ATAD5: variants seen among roughly 807,000 people sequenced by gnomAD.
The protein encoded by ATAD5 is ATPase family AAA domain containing 5.
ATAD5 carries 58 observed loss-of-function variants against 176.9 expected under a neutral mutation model. The ratio of observed to expected loss-of-function variants is 0.33; its 90% confidence interval spans 0.27 to 0.41. The LOEUF (loss-of-function observed/expected upper bound fraction) is 0.41. ATAD5 is among the 10% of genes least tolerant of loss of function. ATAD5 has a pLI of 1.00. For missense variants in ATAD5, 1,789 were observed against 2,094.1 expected, an observed-to-expected ratio of 0.85 and a Z score of 2.84; for synonymous variants, 640 against 712.6, an observed-to-expected ratio of 0.90 and a Z score of 1.62.
intron 20 of ATAD5, 47 bp downstream of exon 20, chr17:30,892,835 A>G: frequency 2.8e-6 from 4 of 1,406,064 alleles, no homozygotes; most frequent in Non-Finnish European, 3.9e-6. Flanking sequence ...ATTCCTTTTC[A>G]TATTCCCAAC....
At chr17:30,847,008 C>T (rs532016627) in intron 6 of ATAD5, among the ~76,000 whole-genome samples, 2 of 152,092 alleles carry the variant, frequency 1.3e-5, no homozygotes, top group East Asian at 1.9e-4. Flanking sequence ...TATGAGCCAC[C>T]GTGCCTGGCC....
chr17:30,881,837 A>T (rs747092906), intron 18 of ATAD5, among the ~76,000 whole-genome samples: 1 of 152,002 alleles, frequency 6.6e-6, no homozygotes, highest in Non-Finnish European at 1.5e-5. Context: ...TCACTTGAGT[A>T]TGGGAGGCAG....
chr17:30,873,689 CT>C (rs775055653), intron 14 of ATAD5, among the ~76,000 whole-genome samples: 4,089 of 129,504 alleles, frequency 0.032, 109 homozygotes, highest in African/African-American at 0.1. Context: ...TAAAAATTGC[CT>C]TTTTTTTTTT....
At chr17:30,878,142 G>T (rs1908780671) in intron 17 of ATAD5, 46 bp downstream of exon 17, 1 of 1,273,682 alleles carries the variant, frequency 7.9e-7, no homozygotes, top group Non-Finnish European at 1.1e-6. Flanking sequence ...ACTCAAATCT[G>T]TAGTTCATCT....
At chr17:30,863,330 G>A (rs1043109908) in intron 10 of ATAD5, among the ~76,000 whole-genome samples, 8 of 151,898 alleles carry the variant, frequency 5.3e-5, no homozygotes, top group Non-Finnish European at 1.0e-4. Flanking sequence ...TGAGTAGCTG[G>A]GATTACAGGA....
intron 16 of ATAD5, 73 bp downstream of exon 16, chr17:30,877,622 T>C (rs1193058477): frequency 6.9e-7 from 1 of 1,456,496 alleles, no homozygotes; most frequent in East Asian, 2.3e-5. Flanking sequence ...GTATGTTTTC[T>C]TATAAAGAAT....
At chr17:30,879,286 A>G in intron 17 of ATAD5, 137 bp from the exon 18 acceptor site, 3 of 898,332 alleles carry the variant, frequency 3.3e-6, no homozygotes, top group Middle Eastern at 3.4e-4. Context: ...GCAGTGAGCT[A>G]TGACTGCACC....
Position 30,893,514 on chromosome 17 carries a change from G to A in ATAD5, c.4661G>A (p.Arg1554Lys), listed in dbSNP as rs1909744823. 4.3e-6 allele frequency: 7 copies of A among 1,612,364 alleles called. No individual in the cohort carries two copies. Among genetic ancestry groups the A allele is most frequent in the Non-Finnish European group, 5.9e-6 (7 of 1,179,514 alleles). The change falls in exon 21 of 23, where the codon AGA becomes AAA. Residue 1554 changes from arginine (R) to lysine (K), a missense_variant. Around this residue, in one of 6 missense-constraint regions of ATAD5, gnomAD observed 403 missense variants for 495.1 expected, o/e 0.81. Transcript: ENST00000321990. ...TGTCTTGCTAGGAAACACTCTGAAAGAGAACAGCCATTGAAAAAGTCCCAG... is the reference window on the plus strand; with the variant it reads ...TGTCTTGCTAGGAAACACTCTGAAAAAGAACAGCCATTGAAAAAGTCCCAG... Reference protein sequence around the residue: ...MNCLARKHSEREQPLKKSQKK... With the variant: ...MNCLARKHSEKEQPLKKSQKK...
rs368160157 is a variant in ATAD5, at chr17:30,855,273, A to G, written c.2581A>G (p.Asn861Asp). 1.2e-6 allele frequency: 2 copies of G among 1,611,920 alleles called. No homozygotes were observed. Among genetic ancestry groups the G allele is most frequent in the Non-Finnish European group, 1.7e-6 (2 of 1,179,468 alleles). The change falls in exon 7 of 23, where the codon AAT becomes GAT. Residue 861 changes from asparagine to aspartate, a missense_variant. Transcript: ENST00000321990. ...GAAAGCTGCTGCGCTGGATGTGTAC[A>G]ATGCAGTGAGTACCAGTTTCCAGAG... ...AKKAAALDVY[N>D]AVSTSFQRVV...
rs1411287724 is a variant in ATAD5, at chr17:30,847,965, C to T, written c.2450+3049C>T. 2.6e-5 allele frequency among the ~76,000 whole-genome samples: 4 copies of T among 152,158 alleles called. No individual in the cohort carries two copies. The East Asian group carries it at 7.7e-4, about 29-fold the overall frequency. ...TCGATCTCCTGACCTCATGATCCAC[C>T]CACCTCGGCCTCCCAAAGTGCTGGG... On this transcript the variant is annotated intron_variant, in intron 6 of 22. Coordinates refer to ENST00000321990, the MANE Select transcript of ATAD5 (RefSeq NM_024857.5).
intron 6 of ATAD5, among the ~76,000 whole-genome samples, chr17:30,846,040 T>C (rs9915802): frequency 0.24 from 35,824 of 152,148 alleles, 6,437 homozygotes; most frequent in African/African-American, 0.5. Context: ...TAAGCACACA[T>C]ATCTTAAGTA....
intron 6 of ATAD5, among the ~76,000 whole-genome samples, chr17:30,851,608 G>A (rs1906975251): frequency 6.6e-6 from 1 of 152,032 alleles, no homozygotes; most frequent in South Asian, 2.1e-4. Context: ...GGAGGTCAAG[G>A]GTCAAGACAG....
At chr17:30,838,217 C>T (rs899445524) in intron 3 of ATAD5, among the ~76,000 whole-genome samples, 8 of 152,282 alleles carry the variant, frequency 5.3e-5, no homozygotes, top group Non-Finnish European at 1.0e-4. Flanking sequence ...TTAGTTGTTT[C>T]GGCAAAATAA....
chr17:30,850,981 C>A (rs867424359), intron 6 of ATAD5, among the ~76,000 whole-genome samples: 5 of 138,226 alleles, frequency 3.6e-5, no homozygotes, highest in African/African-American at 1.3e-4. Flanking sequence ...GCCTCCCAGG[C>A]TCAAGCAATT....
At chr17:30,859,744 T>G (rs1454075413) in intron 9 of ATAD5, among the ~76,000 whole-genome samples, 1 of 145,268 alleles carries the variant, frequency 6.9e-6, no homozygotes, top group Non-Finnish European at 1.5e-5. Context: ...TTTATTTTTA[T>G]TTTTTGAGAC....
At chr17:30,842,521 G>C (rs777001828) in intron 4 of ATAD5, among the ~76,000 whole-genome samples, 10 of 152,032 alleles carry the variant, frequency 6.6e-5, no homozygotes, top group Non-Finnish European at 1.3e-4. Flanking sequence ...AATTTTGTCT[G>C]TGTATTCCCA....
intron 1 of ATAD5, among the ~76,000 whole-genome samples, chr17:30,833,349 G>A (rs1905495832): frequency 6.6e-6 from 1 of 152,122 alleles, no homozygotes; most frequent in African/African-American, 2.4e-5. Flanking sequence ...GTGCCCTAAT[G>A]CTAAGAAACC....
chr17:30,894,432 G>A (rs561103599), intron 21 of ATAD5, 132 bp from the exon 22 acceptor site: 4 of 885,050 alleles, frequency 4.5e-6, no homozygotes, highest in South Asian at 3.9e-5. Context: ...AGTGATTGAT[G>A]TGTTGACAGG....
chr17:30,892,841 C>G, intron 20 of ATAD5, 53 bp downstream of exon 20: 1 of 1,329,954 alleles, frequency 7.5e-7, no homozygotes, highest in Non-Finnish European at 1.0e-6. Flanking sequence ...TTTCATATTC[C>G]CAACATTAGC....
Sources: allele counts gnomAD v4.1 joint callset (sites outside exome capture counted in the v4.1 genomes callset), GRCh38; gene constraint gnomAD v4.1.1; regional missense constraint gnomAD v4.1.1; transcripts MANE v1.5; gene names NCBI Gene and HGNC (gene_info 2026-07-23, HGNC 2026-07-21).